FAM120A: variants seen among roughly 807,000 people sequenced by gnomAD.
FAM120A encodes constitutive coactivator of PPAR-gamma-like protein 1.
FAM120A carries 15 observed loss-of-function variants against 109.7 expected under a neutral mutation model. That is an observed-to-expected ratio of 0.14 (90% CI 0.09 to 0.21). FAM120A has a LOEUF of 0.21. Among genes scored for constraint, FAM120A ranks in the 10% least tolerant of loss-of-function variants. The pLI, the probability that FAM120A is intolerant of heterozygous loss-of-function variation, is 1.00. For missense variants in FAM120A, 899 were observed against 1,439.3 expected, an observed-to-expected ratio of 0.62 and a Z score of 6.07; for synonymous variants, 493 against 572.8, an observed-to-expected ratio of 0.86 and a Z score of 1.99.
intron 3 of FAM120A, among the ~76,000 whole-genome samples, chr9:93,491,227 C>T (rs1327460031): frequency 6.6e-6 from 1 of 152,154 alleles, no homozygotes; most frequent in Admixed American, 6.5e-5. Context: ...ATTGCAGCCT[C>T]TTGGAGGTTT....
At chr9:93,531,021 G>A (rs1163914871) in intron 9 of FAM120A, 1 of 152,130 alleles carries the variant, frequency 6.6e-6, no homozygotes. Context: ...TGAGAAAATT[G>A]TCTTTTCACA....
At position 93,497,454 on chromosome 9, in the gene FAM120A, T is replaced by TA. The variant is rs779873748; in HGVS notation, c.805-16dup. Reference sequence around the variant, plus strand: ...TTGCTCACCATCCACTGTTGACACTTACGTTTGTTTTCTCAGGTCCGGGCC... The same window carrying TA: ...TTGCTCACCATCCACTGTTGACACTTAACGTTTGTTTTCTCAGGTCCGGGCC... On this transcript the variant is annotated splice_polypyrimidine_tract_variant and intron_variant, in intron 3 of 17. Transcript: ENST00000277165. The TA allele has an allele frequency of 1.4e-4, 226 of 1,611,674 alleles. No individual in the cohort carries two copies. The highest frequency in any genetic ancestry group is 3.3e-4 in the Middle Eastern group (2 of 6,044).
At chr9:93,453,273 G>A (rs929551168) in intron 1 of FAM120A, 1 of 988,170 alleles carries the variant, frequency 1.0e-6, no homozygotes, top group African/African-American at 1.7e-5. Context: ...CTATATCACC[G>A]GCCTCCTCTG....
intron 7 of FAM120A, among the ~76,000 whole-genome samples, chr9:93,519,944 T>A (rs1355548267): frequency 1.3e-5 from 2 of 152,230 alleles, no homozygotes; most frequent in South Asian, 4.2e-4. Flanking sequence ...GGGACCATCA[T>A]AACTCACTGT....
chr9:93,494,564 A>G (rs1282665784), intron 3 of FAM120A, among the ~76,000 whole-genome samples: 1 of 152,114 alleles, frequency 6.6e-6, no homozygotes, highest in Non-Finnish European at 1.5e-5. Flanking sequence ...TCTTATCTGC[A>G]GGCATTGCTT....
intron 10 of FAM120A, among the ~76,000 whole-genome samples, chr9:93,534,994 T>C (rs903578011): frequency 6.6e-6 from 1 of 152,230 alleles, no homozygotes; most frequent in Non-Finnish European, 1.5e-5. Context: ...AGTACTTCTT[T>C]GCCAATGGTA....
chr9:93,492,325 CCT>C (rs1403181106), intron 3 of FAM120A, among the ~76,000 whole-genome samples: 1 of 152,052 alleles, frequency 6.6e-6, no homozygotes, highest in Non-Finnish European at 1.5e-5. Context: ...ACCAAGATTC[CCT>C]GTTATTTTTA....
chr9:93,564,148 G>A lies in FAM120A; in HGVS notation c.3046-81G>A, dbSNP rs554492924. On this transcript the variant is annotated intron_variant, in intron 17 of 17. Coordinates refer to ENST00000277165, the MANE Select transcript of FAM120A (RefSeq NM_014612.5). ...TTCTGCTCTTGAATCTGCAGAGAGT[G>A]TCATTAGGCCAAAATTGGCATCCTC... is the stretch of plus-strand genomic sequence containing the variant. The A allele has an allele frequency of 1.1e-5, 16 of 1,412,528 alleles. 1 individual carries two copies. The African/African-American group carries it at 2.0e-4, about 18-fold the overall frequency. 87.5% of individuals were successfully genotyped at this position (1,412,528 alleles called of 1,614,324 possible). A position where few individuals can be genotyped will look rare whatever the true frequency, so the allele number is the denominator to read the frequency against.
Position 93,535,239 on chromosome 9 carries a change from G to A in FAM120A, c.1909+2910G>A, listed in dbSNP as rs903611758. Among the ~76,000 whole-genome samples the A allele has an allele frequency of 2.0e-5, 3 of 152,164 alleles. No individual in the cohort carries two copies. The South Asian group carries it at 6.2e-4, about 31-fold the overall frequency. On this transcript the variant is annotated intron_variant, in intron 10 of 17. Transcript: ENST00000277165. ...TGCTGAGATGCTTTGAAAGGTCAGT[G>A]CTAAACAAATTGCAGTCTTTTCTGC...
intron 7 of FAM120A, chr9:93,523,454 C>A: frequency 2.2e-6 from 1 of 446,586 alleles, no homozygotes; most frequent in Non-Finnish European, 3.7e-6. Flanking sequence ...CAGATATCCA[C>A]TTTATATTTA....
chr9:93,462,715 C>G (rs1011653788), intron 1 of FAM120A, among the ~76,000 whole-genome samples: 3 of 152,248 alleles, frequency 2.0e-5, no homozygotes, highest in African/African-American at 7.2e-5. Context: ...GCCCCAGCTC[C>G]TGGTAACCAC....
chr9:93,486,765 C>T (rs564330589), intron 3 of FAM120A, among the ~76,000 whole-genome samples: 1 of 152,174 alleles, frequency 6.6e-6, no homozygotes, highest in Admixed American at 6.5e-5. Flanking sequence ...AACTCCTGAC[C>T]TCAAGTGATC....
At chr9:93,494,960 T>C (rs2131340461) in intron 3 of FAM120A, among the ~76,000 whole-genome samples, 1 of 152,306 alleles carries the variant, frequency 6.6e-6, no homozygotes, top group Middle Eastern at 3.4e-3. Context: ...TTCTTCCCAC[T>C]GTGCGTCATG....
Position 93,498,454 on chromosome 9 carries a change from G to A in FAM120A, c.934-336G>A, listed in dbSNP as rs1043956903. Among the ~76,000 whole-genome samples the A allele has an allele frequency of 3.3e-5, 5 of 152,172 alleles. No individual in the cohort carries two copies. The highest frequency in any genetic ancestry group is 6.5e-5 in the Admixed American group (1 of 15,282). Reference sequence around the variant, plus strand: ...CATCCCCAGTCTGTCACTGCCATCCGTTCCCTTGGTACAGATGGCTTGAGA... The same window carrying A: ...CATCCCCAGTCTGTCACTGCCATCCATTCCCTTGGTACAGATGGCTTGAGA... On this transcript the variant is annotated intron_variant, in intron 4 of 17. Coordinates refer to ENST00000277165, the MANE Select transcript of FAM120A (RefSeq NM_014612.5). This position sits in a 1 kb window ranked among gnomAD's most constrained non-coding sequence, Gnocchi z 4.4.
At chr9:93,486,476 T>G (rs887240888) in intron 3 of FAM120A, among the ~76,000 whole-genome samples, 3 of 152,110 alleles carry the variant, frequency 2.0e-5, no homozygotes, top group Non-Finnish European at 4.4e-5. Context: ...GTAGAATTGC[T>G]GAGTCATGTA....
intron 10 of FAM120A, among the ~76,000 whole-genome samples, chr9:93,540,888 T>G (rs900721937): frequency 6.6e-6 from 1 of 152,008 alleles, no homozygotes; most frequent in African/African-American, 2.4e-5. Context: ...CATGAATGAT[T>G]GCTAAAATGA....
At position 93,485,429 on chromosome 9, in the gene FAM120A, C is replaced by T. The variant is rs114704523; in HGVS notation, c.804+9091C>T. Among the ~76,000 whole-genome samples, 1,003 of 152,048 alleles carry T rather than the reference C, an allele frequency of 6.6e-3. 14 individuals carry two copies. Among genetic ancestry groups the T allele is most frequent in the African/African-American group, 0.023 (969 of 41,460 alleles). ...TGGGTAACATAGTGAGACCCTATCT[C>T]TATAAAAAAATAAAAAAACTAGCTG... On this transcript the variant is annotated intron_variant, in intron 3 of 17. Coordinates refer to ENST00000277165, the MANE Select transcript of FAM120A (RefSeq NM_014612.5).
rs58385310 is a variant in FAM120A at position 93,511,998 on chromosome 9, G to T, written c.1031-3669G>T. On this transcript the variant is annotated intron_variant, in intron 5 of 17. Transcript: ENST00000277165. ...GTAGAGACGGGCTTTCGCCATGTTG[G>T]TCAGGCTGATCTTGAACTCCTGACC... Among the ~76,000 whole-genome samples, 48 of 152,318 alleles carry T rather than the reference G, an allele frequency of 3.2e-4. No individual in the cohort carries two copies. The East Asian group carries it at 9.3e-3, about 29-fold the overall frequency.
intron 3 of FAM120A, among the ~76,000 whole-genome samples, chr9:93,482,592 T>A (rs1222663345): frequency 1.3e-5 from 2 of 152,156 alleles, no homozygotes; most frequent in African/African-American, 4.8e-5. Flanking sequence ...ACATGTCCTT[T>A]AGGGCCAGCA....
Sources: allele counts gnomAD v4.1 joint callset (sites outside exome capture counted in the v4.1 genomes callset), GRCh38; gene constraint gnomAD v4.1.1; non-coding constraint Gnocchi (gnomAD v3.1); transcripts MANE v1.5; gene names NCBI Gene and HGNC (gene_info 2026-07-23, HGNC 2026-07-21).